The following LRRC18 variants were observed in gnomAD, a reference collection of about 807,000 sequenced individuals.
The protein encoded by LRRC18 is leucine rich repeat containing 18.
Under a neutral mutation model 11.2 loss-of-function variants are expected in LRRC18, and 12 were observed. The observed-to-expected ratio is 1.07, with a 90% CI of 0.69 to 1.74. The LOEUF (loss-of-function observed/expected upper bound fraction) is 1.74. Among genes scored for constraint, LRRC18 ranks in the 40% most tolerant of loss-of-function variants. The pLI is 0.00. For missense variants in LRRC18, 374 were observed against 330.5 expected (o/e 1.13, Z -1.02); for synonymous variants, 155 against 130.6 (o/e 1.19, Z -1.27).
the LRRC18 span, among the ~76,000 whole-genome samples, chr10:48,921,950 C>T: frequency 1.3e-5 from 2 of 152,144 alleles, no homozygotes; most frequent in African/African-American, 4.8e-5. Context: ...TATCATCTGG[C>T]ATTTTCCCAA....
At chr10:48,913,479 T>G in exon 1 of LRRC18, 3 of 1,525,824 alleles carry the variant, frequency 2.0e-6, no homozygotes, top group Non-Finnish European at 2.6e-6. Flanking sequence ...CGTGGCCATG[T>G]TCTTGATTCT....
the LRRC18 span, among the ~76,000 whole-genome samples, chr10:48,922,546 ATTG>A: frequency 6.6e-6 from 1 of 152,218 alleles, no homozygotes; most frequent in Non-Finnish European, 1.5e-5. Flanking sequence ...TTTATGATGA[ATTG>A]TTGTTCATCT....
chr10:48,924,803 G>T, the LRRC18 span, among the ~76,000 whole-genome samples: 1 of 152,220 alleles, frequency 6.6e-6, no homozygotes, highest in Non-Finnish European at 1.5e-5. Flanking sequence ...ATTTCCAGTT[G>T]TAAGACCCTT....
chr10:48,934,905 C>T, the LRRC18 span, among the ~76,000 whole-genome samples: 93 of 152,338 alleles, frequency 6.1e-4, no homozygotes, highest in East Asian at 0.014. Context: ...ACCTGCCTTC[C>T]CAGGCTCGCC....
the LRRC18 span, among the ~76,000 whole-genome samples, chr10:48,931,799 C>T: frequency 6.6e-6 from 1 of 152,236 alleles, no homozygotes; most frequent in Non-Finnish European, 1.5e-5. Context: ...ATGACTGAAG[C>T]ACTAGACACT....
chr10:48,936,220 A>G, the LRRC18 span, among the ~76,000 whole-genome samples: 1 of 152,124 alleles, frequency 6.6e-6, no homozygotes, highest in Non-Finnish European at 1.5e-5. Context: ...CAAATCATTA[A>G]ATGAGAGCTA....
chr10:48,936,667 CT>C, the LRRC18 span, among the ~76,000 whole-genome samples: 10 of 151,614 alleles, frequency 6.6e-5, no homozygotes, highest in Non-Finnish European at 1.5e-4. Flanking sequence ...GAAACCCCGT[CT>C]CTACTAAAAA....
At chr10:48,923,080 G>A in the LRRC18 span, among the ~76,000 whole-genome samples, 1 of 152,104 alleles carries the variant, frequency 6.6e-6, no homozygotes, top group Non-Finnish European at 1.5e-5. Flanking sequence ...AAAATAGTTG[G>A]GACTCCATAT....
At chr10:48,923,861 A>G in the LRRC18 span, among the ~76,000 whole-genome samples, 85 of 152,324 alleles carry the variant, frequency 5.6e-4, no homozygotes, top group African/African-American at 2.0e-3. Context: ...CACACTGAGC[A>G]TGGCTTAGAG....
exon 2 of LRRC18, chr10:48,910,062 G>A: frequency 1.6e-6 from 1 of 626,832 alleles, no homozygotes; most frequent in South Asian, 2.0e-5. Context: ...GTGGGCTAAA[G>A]CTAAGGGAGG....
At chr10:48,914,871 G>A (rs181172030), upstream of LRRC18, among the ~76,000 whole-genome samples, 1 of 152,304 alleles carries the variant, frequency 6.6e-6, no homozygotes, top group East Asian at 1.9e-4. Context: ...GCACACAGGG[G>A]GATGGGGGGT....
the LRRC18 span, among the ~76,000 whole-genome samples, chr10:48,934,493 A>T: frequency 1.3e-5 from 2 of 152,288 alleles, no homozygotes; most frequent in African/African-American, 4.8e-5. Flanking sequence ...TTTTCCCATT[A>T]TACCTGTCAT....
At chr10:48,913,333 A>G in intron 1 of LRRC18, 59 bp downstream of exon 3, 1 of 1,526,204 alleles carries the variant, frequency 6.6e-7, no homozygotes, top group Non-Finnish European at 8.9e-7. Context: ...GAGGTAGCCC[A>G]CTGCCCTCTT....
At chr10:48,919,304 G>T in the LRRC18 span, among the ~76,000 whole-genome samples, 1 of 152,098 alleles carries the variant, frequency 6.6e-6, no homozygotes, top group African/African-American at 2.4e-5. Context: ...GAGGAACTTA[G>T]ATAAGATCAA....
chr10:48,923,914 C>G, the LRRC18 span, among the ~76,000 whole-genome samples: 3 of 152,316 alleles, frequency 2.0e-5, no homozygotes, highest in African/African-American at 7.2e-5. Flanking sequence ...AATGGGACAT[C>G]CAGCCAGTTG....
intron 1 of LRRC18, chr10:48,910,887 G>T: frequency 1.0e-6 from 1 of 984,666 alleles, no homozygotes. Context: ...CACCAGGTGG[G>T]CTCTGTAACC....
At chr10:48,918,378 A>C (rs924545257), upstream of LRRC18, among the ~76,000 whole-genome samples, 1 of 152,224 alleles carries the variant, frequency 6.6e-6, no homozygotes, top group Non-Finnish European at 1.5e-5. Context: ...GAACTAAAAG[A>C]ATGTAAAAAG....
upstream of LRRC18, among the ~76,000 whole-genome samples, chr10:48,917,358 TCCAACA>T (rs1838645991): frequency 6.6e-6 from 1 of 152,146 alleles, no homozygotes; most frequent in Admixed American, 6.5e-5. Context: ...GCTGAAAACT[TCCAACA>T]GTGATGAAAA....
the LRRC18 span, among the ~76,000 whole-genome samples, chr10:48,928,067 T>C: frequency 1.2e-4 from 18 of 152,320 alleles, no homozygotes; most frequent in East Asian, 3.5e-3. Context: ...CAATGTGTTT[T>C]AAGCGCTGCT....
Sources: gnomAD v4.1 joint callset for allele counts (sites outside exome capture counted in the v4.1 genomes callset) on GRCh38, gnomAD v4.1.1 for gene constraint, MANE v1.5 for transcripts, NCBI Gene and HGNC (gene_info 2026-07-23, HGNC 2026-07-21) for gene names.